The following ZNF75D variants were observed in gnomAD, a reference collection of about 807,000 sequenced individuals.
ZNF75D encodes zinc finger protein 75D.
ZNF75D carries 33 observed loss-of-function variants against 33.3 expected under a neutral mutation model. The ratio of observed to expected loss-of-function variants is 0.99; its 90% CI spans 0.75 to 1.32. The LOEUF is 1.32. Ranked by LOEUF, ZNF75D falls within the 40% of genes most tolerant of loss-of-function variation. The pLI is 0.00. For missense variants in ZNF75D, 338 were observed against 367.5 expected (o/e 0.92, Z 0.66); for synonymous variants, 113 against 130.6 (o/e 0.87, Z 0.92).
downstream of ZNF75D, among the ~76,000 whole-genome samples, chrX:135,284,801 T>G (rs2083934770): frequency 9.0e-6 from 1 of 111,515 alleles, no homozygotes; most frequent in Non-Finnish European, 1.9e-5. Context: ...GAAAGTGGAG[T>G]GCTCTTTTGC....
At chrX:135,303,178 G>T (rs2084241859) in intron 1 of ZNF75D, among the ~76,000 whole-genome samples, 1 of 110,767 alleles carries the variant, frequency 9.0e-6, no homozygotes, top group Non-Finnish European at 1.9e-5. Flanking sequence ...TTTACACCGA[G>T]ACATTCCATT....
At chrX:135,257,305 C>G (rs1190401214) in intron 1 of ZNF75D, among the ~76,000 whole-genome samples, 2 of 111,868 alleles carry the variant, frequency 1.8e-5, no homozygotes, top group Non-Finnish European at 3.8e-5. Context: ...AGAGTGAGCC[C>G]CAGGCCTGGT....
At chrX:135,289,173 G>A (rs1196132124) in intron 6 of ZNF75D, among the ~76,000 whole-genome samples, 3 of 112,790 alleles carry the variant, frequency 2.7e-5, no homozygotes, top group African/African-American at 9.7e-5. Flanking sequence ...CCCATCAGTG[G>A]TGCTGCTCAG....
At chrX:135,265,766 G>T (rs930700525) in intron 1 of ZNF75D, among the ~76,000 whole-genome samples, 1 of 111,883 alleles carries the variant, frequency 8.9e-6, no homozygotes, top group Admixed American at 9.5e-5. Context: ...GAAAACATCA[G>T]CAGGTACAAA....
intron 1 of ZNF75D, among the ~76,000 whole-genome samples, chrX:135,311,231 T>C (rs2084354967): frequency 1.8e-5 from 2 of 111,800 alleles, no homozygotes; most frequent in Non-Finnish European, 3.8e-5. Flanking sequence ...TTGTAACACA[T>C]GGCAGTAGAC....
chrX:135,272,925 T>A (rs148230685), intron 1 of ZNF75D, among the ~76,000 whole-genome samples: 1 of 111,726 alleles, frequency 9.0e-6, no homozygotes, highest in East Asian at 2.8e-4. Context: ...GTAATCTGGC[T>A]CTTGAGCCCC....
intron 1 of ZNF75D, among the ~76,000 whole-genome samples, chrX:135,271,130 G>A (rs879988396): frequency 9.0e-6 from 1 of 111,401 alleles, no homozygotes; most frequent in African/African-American, 3.3e-5. Flanking sequence ...TTTTCACCAG[G>A]CCGCTCTAGC....
chrX:135,332,507 G>A (rs1383873172), intron 1 of ZNF75D, among the ~76,000 whole-genome samples: 2 of 111,341 alleles, frequency 1.8e-5, no homozygotes, highest in East Asian at 5.7e-4. Flanking sequence ...ATATAAACCC[G>A]GATGTGAGCC....
intron 6 of ZNF75D, among the ~76,000 whole-genome samples, chrX:135,290,145 C>T (rs2084018254): frequency 8.9e-6 from 1 of 112,128 alleles, no homozygotes; most frequent in African/African-American, 3.2e-5. Flanking sequence ...ACTCAAGATA[C>T]AGTTGGCCTA....
At chrX:135,317,099 A>AT (rs1431336547) in intron 1 of ZNF75D, among the ~76,000 whole-genome samples, 1 of 110,659 alleles carries the variant, frequency 9.0e-6, no homozygotes, top group African/African-American at 3.3e-5. Context: ...ACTTCTTTCA[A>AT]TTTTTTGAAT....
At chrX:135,270,627 A>G (rs1363944291) in intron 1 of ZNF75D, among the ~76,000 whole-genome samples, 1 of 108,944 alleles carries the variant, frequency 9.2e-6, no homozygotes, top group African/African-American at 3.3e-5. Flanking sequence ...TTTTCATGGA[A>G]TATTACAGCT....
At chrX:135,276,576 G>C (rs2083899926) in intron 1 of ZNF75D, among the ~76,000 whole-genome samples, 1 of 111,119 alleles carries the variant, frequency 9.0e-6, no homozygotes, top group Admixed American at 9.5e-5. Context: ...TGCCATGGTG[G>C]TTGGCTGCAC....
chrX:135,318,133 C>A, intron 1 of ZNF75D, among the ~76,000 whole-genome samples: 1 of 100,384 alleles, frequency 1.0e-5, no homozygotes. Flanking sequence ...GAATTTAGAT[C>A]GTCCTGGCAC....
At chrX:135,284,440 T>A (rs563898613), downstream of ZNF75D, among the ~76,000 whole-genome samples, 1 of 111,864 alleles carries the variant, frequency 8.9e-6, no homozygotes, top group South Asian at 3.8e-4. Context: ...CCTAGGAGAC[T>A]GTGTCAGAGG....
At chrX:135,303,511 C>A (rs782181941) in intron 1 of ZNF75D, among the ~76,000 whole-genome samples, 1 of 112,517 alleles carries the variant, frequency 8.9e-6, no homozygotes, top group African/African-American at 3.2e-5. Flanking sequence ...ACATCTTGCA[C>A]AGCCCTTAAT....
At chrX:135,331,490 G>C (rs1556440537) in intron 1 of ZNF75D, among the ~76,000 whole-genome samples, 2 of 110,271 alleles carry the variant, frequency 1.8e-5, no homozygotes, top group African/African-American at 6.6e-5. Flanking sequence ...AGAAGTGAGA[G>C]CTCAAGCTGA....
At chrX:135,298,247 A>G (rs372976500) in intron 1 of ZNF75D, 1 of 111,611 alleles carries the variant, frequency 9.0e-6, no homozygotes, top group East Asian at 2.8e-4. Context: ...GAGAATGAAG[A>G]AAAGGGTTAC....
intron 1 of ZNF75D, among the ~76,000 whole-genome samples, chrX:135,314,669 C>G (rs915484776): frequency 1.8e-5 from 2 of 111,668 alleles, no homozygotes; most frequent in Admixed American, 1.9e-4. Flanking sequence ...TGTTATTGGT[C>G]TGTTCAGGCT....
chrX:135,288,976 G>A (rs1475449129), intron 6 of ZNF75D, among the ~76,000 whole-genome samples: 1 of 112,484 alleles, frequency 8.9e-6, no homozygotes. Flanking sequence ...AATAATCAGT[G>A]TAAACCTTGG....
Sources: allele counts gnomAD v4.1 joint callset (sites outside exome capture counted in the v4.1 genomes callset), GRCh38; gene constraint gnomAD v4.1.1; transcripts MANE v1.5; gene names NCBI Gene and HGNC (gene_info 2026-07-23, HGNC 2026-07-21).